The following NACC2 variants were observed in gnomAD, a reference collection of about 807,000 sequenced individuals.
NACC2 encodes the protein NACC family member 2.
In NACC2, 8 loss-of-function variants were observed where a neutral mutation model predicts 25.1. That is an observed-to-expected ratio of 0.32 (90% CI 0.19 to 0.57). The LOEUF (loss-of-function observed/expected upper bound fraction) is 0.57. Ranked by LOEUF, NACC2 falls within the 20% of genes least tolerant of loss-of-function variation. The pLI is 0.89. For missense variants in NACC2, 644 were observed against 650.2 expected (o/e 0.99, Z 0.10); for synonymous variants, 435 against 294.7 (o/e 1.48, Z -4.88).
intron 1 of NACC2, among the ~76,000 whole-genome samples, chr9:136,067,634 G>A (rs537884661): frequency 6.6e-5 from 10 of 152,254 alleles, no homozygotes; most frequent in East Asian, 1.9e-4. Flanking sequence ...TCAAGAGATC[G>A]AGACCATCTG....
chr9:136,094,174 G>A (rs957145501), intron 1 of NACC2, among the ~76,000 whole-genome samples: 1 of 152,238 alleles, frequency 6.6e-6, no homozygotes, highest in African/African-American at 2.4e-5. Context: ...ACAGCTCAGG[G>A]CACCCAGCGG....
chr9:136,045,868 C>T (rs1840715097), intron 2 of NACC2, among the ~76,000 whole-genome samples: 1 of 152,168 alleles, frequency 6.6e-6, no homozygotes, highest in Non-Finnish European at 1.5e-5. Flanking sequence ...GAACAGACCC[C>T]TGAGCGCAGC....
chr9:136,042,967 C>G, intron 2 of NACC2, among the ~76,000 whole-genome samples: 1 of 151,004 alleles, frequency 6.6e-6, no homozygotes, highest in African/African-American at 2.4e-5. Context: ...CACACAGAGA[C>G]ACACACATAG....
rs141905309 is a variant in NACC2 at position 136,070,204 on chromosome 9, A to C, written c.-59-19624T>G. Among the ~76,000 whole-genome samples, 570 of 152,034 alleles carry C rather than the reference A, an allele frequency of 3.7e-3. 16 individuals carry two copies. Among genetic ancestry groups the C allele is most frequent in the African/African-American group, 0.013 (545 of 41,294 alleles). ...TAAGTAATCCATATGTCAAAGAAGAAGTCTCAAGAAAATCAAATACGGGCC... is the reference window on the plus strand; with the variant it reads ...TAAGTAATCCATATGTCAAAGAAGACGTCTCAAGAAAATCAAATACGGGCC... On this transcript the variant is annotated intron_variant, in intron 1 of 5. Coordinates refer to ENST00000277554, the MANE Select transcript of NACC2 (RefSeq NM_144653.5).
intron 5 of NACC2, among the ~76,000 whole-genome samples, chr9:136,012,824 C>T (rs549203683): frequency 9.8e-5 from 15 of 152,346 alleles, no homozygotes; most frequent in East Asian, 3.9e-4. Flanking sequence ...GGAGATGGAC[C>T]GGGCTCCGCC....
At chr9:136,041,343 C>G (rs1480143519) in intron 2 of NACC2, among the ~76,000 whole-genome samples, 4 of 151,892 alleles carry the variant, frequency 2.6e-5, no homozygotes, top group Admixed American at 2.6e-4. Context: ...CTGCCTGAAC[C>G]CAGGAGGCGG....
chr9:136,023,966 C>T (rs577043350), intron 2 of NACC2, among the ~76,000 whole-genome samples: 1 of 152,266 alleles, frequency 6.6e-6, no homozygotes, highest in African/African-American at 2.4e-5. Context: ...CCCCCCCACA[C>T]ACACGTGCAC....
intron 1 of NACC2, among the ~76,000 whole-genome samples, chr9:136,080,354 T>C (rs1830307884): frequency 6.6e-6 from 1 of 152,038 alleles, no homozygotes; most frequent in Non-Finnish European, 1.5e-5. Flanking sequence ...CCAACCCAGG[T>C]TCTAGGAAAA....
chr9:136,067,640 A>G (rs1841102274), intron 1 of NACC2, among the ~76,000 whole-genome samples: 1 of 152,184 alleles, frequency 6.6e-6, no homozygotes, highest in Non-Finnish European at 1.5e-5. Context: ...GATCGAGACC[A>G]TCTGGCCAAC....
At chr9:136,085,322 A>T (rs1443342052) in intron 1 of NACC2, among the ~76,000 whole-genome samples, 12 of 151,358 alleles carry the variant, frequency 7.9e-5, no homozygotes, top group East Asian at 1.9e-4. Flanking sequence ...ACCCAAAAAA[A>T]TTTTTTTAAT....
In NACC2 at chr9:136,055,760, G is replaced by A. The variant is rs952751812; in HGVS notation, c.-59-5180C>T. ...CACGTGGTAGAGGAAGGAGAGAGGC[G>A]GGGCACGGGAAACGTTCTGCGGAGG... On this transcript the variant is annotated intron_variant, in intron 1 of 5. Transcript: ENST00000277554. This position sits in a 1 kb window ranked among gnomAD's most constrained non-coding sequence, Gnocchi z 4.9. Among the ~76,000 whole-genome samples the A allele has an allele frequency of 2.0e-5, 3 of 152,158 alleles. No homozygotes were observed. The highest frequency in any genetic ancestry group is 4.8e-5 in the African/African-American group (2 of 41,436).
intron 3 of NACC2, among the ~76,000 whole-genome samples, chr9:136,016,043 T>C (rs573921455): frequency 6.6e-6 from 1 of 152,292 alleles, no homozygotes; most frequent in South Asian, 2.1e-4. Flanking sequence ...CCCCTGCCAA[T>C]CAGGAATGCG....
chr9:136,078,061 C>T (rs917264958), intron 1 of NACC2, among the ~76,000 whole-genome samples: 19 of 152,332 alleles, frequency 1.2e-4, no homozygotes, highest in Middle Eastern at 3.4e-3. Context: ...CATGAGCCAC[C>T]GCGTCCGGCC....
At chr9:136,094,271 C>G (rs1485238652) in intron 1 of NACC2, among the ~76,000 whole-genome samples, 2 of 152,172 alleles carry the variant, frequency 1.3e-5, no homozygotes, top group African/African-American at 2.4e-5. Context: ...AGTGGAACGG[C>G]CTGGGAGGCC....
Position 136,050,132 on chromosome 9 carries a change from C to A in NACC2, c.390G>T (p.Ser130=). 1.3e-6 allele frequency: 1 copy of A among 764,116 alleles called. No individual in the cohort carries two copies. Among genetic ancestry groups the A allele is most frequent in the Non-Finnish European group, 2.4e-6 (1 of 413,336 alleles). The allele number at this position is 764,116 out of a possible 1,614,324, so 47.3% of individuals were successfully genotyped here. Reference sequence around the variant, plus strand: ...CGGCGTCCTCGATCACAGCGGTCTGCGAGTCGCAGTGGGGCGAGCTCACCT... The same window carrying A: ...CGGCGTCCTCGATCACAGCGGTCTGAGAGTCGCAGTGGGGCGAGCTCACCT... ...MFKVSSPHCD[S]QTAVIEDAGS... Residue 130 remains serine, a synonymous_variant, in exon 2 of 6, where the codon TCG becomes TCT. Transcript: ENST00000277554.
chr9:136,074,907 G>A (rs1830244952), intron 1 of NACC2, among the ~76,000 whole-genome samples: 1 of 152,238 alleles, frequency 6.6e-6, no homozygotes, highest in Non-Finnish European at 1.5e-5. Context: ...GCCGGGGGAT[G>A]CTGGCGGGAA....
In NACC2 at chr9:136,016,323, G is replaced by A; in HGVS notation, c.993C>T (p.Arg331=). 1.2e-6 allele frequency: 2 copies of A among 1,612,738 alleles called. No individual in the cohort carries two copies. Among genetic ancestry groups the A allele is most frequent in the Non-Finnish European group, 1.7e-6 (2 of 1,180,020 alleles). The change falls in exon 3 of 6, where the codon CGC becomes CGT. Residue 331 remains arginine, a synonymous_variant. Coordinates refer to ENST00000277554, the MANE Select transcript of NACC2 (RefSeq NM_144653.5). Reference sequence around the variant, plus strand: ...CTTCCGAGTAGAGCTTGGGATGGCAGCGGTATCCGATCTGGCTGATGAGGC... The same window carrying A: ...CTTCCGAGTAGAGCTTGGGATGGCAACGGTATCCGATCTGGCTGATGAGGC... ...PASLISQIGY[R]CHPKLYSEGD...
chr9:136,020,781 C>T lies in NACC2; in HGVS notation c.887-4352G>A, dbSNP rs368837411. On this transcript the variant is annotated intron_variant, in intron 2 of 5. Coordinates refer to ENST00000277554, the MANE Select transcript of NACC2 (RefSeq NM_144653.5). This position sits in a 1 kb window ranked among gnomAD's most constrained non-coding sequence, Gnocchi z 4.7. ...TCAATGGCACAGAATAGGAGACCCACAGACAGACCCACATGGCCATGCTCG... is the reference window on the plus strand; with the variant it reads ...TCAATGGCACAGAATAGGAGACCCATAGACAGACCCACATGGCCATGCTCG... Among the ~76,000 whole-genome samples, 7 of 152,064 alleles carry T rather than the reference C, an allele frequency of 4.6e-5. No individual in the cohort carries two copies. In the East Asian group the frequency reaches 7.7e-4, roughly 17 times the overall value.
intron 1 of NACC2, among the ~76,000 whole-genome samples, chr9:136,052,410 G>A (rs953113285): frequency 3.3e-5 from 5 of 151,702 alleles, no homozygotes; most frequent in Admixed American, 3.3e-4. Context: ...AACTCCTCCA[G>A]CGAGGGTGGG....
Sources: allele counts gnomAD v4.1 joint callset (sites outside exome capture counted in the v4.1 genomes callset), GRCh38; gene constraint gnomAD v4.1.1; non-coding constraint Gnocchi (gnomAD v3.1); transcripts MANE v1.5; gene names NCBI Gene and HGNC (gene_info 2026-07-23, HGNC 2026-07-21).